CCDC149: variants seen among roughly 807,000 people sequenced by gnomAD.
The protein encoded by CCDC149 is coiled-coil domain containing 149.
CCDC149 carries 45 observed loss-of-function variants against 59.9 expected under a neutral mutation model. The observed-to-expected ratio is 0.75, with a 90% CI of 0.59 to 0.96. CCDC149 has a LOEUF of 0.96. CCDC149 is among the 40% of genes least tolerant of loss of function. CCDC149 has a pLI of 0.00. For synonymous variants in CCDC149, 245 were observed against 260.6 expected (o/e 0.94, Z 0.58); for missense variants, 584 against 664.7 (o/e 0.88, Z 1.33).
intron 1 of CCDC149, among the ~76,000 whole-genome samples, chr4:24,884,211 G>C (rs567402661): frequency 6.6e-6 from 1 of 152,112 alleles, no homozygotes; most frequent in South Asian, 2.1e-4. Flanking sequence ...AAGATTATGT[G>C]GCCATATTTT....
chr4:24,879,566 T>A (rs1177412726), intron 1 of CCDC149, among the ~76,000 whole-genome samples: 3 of 149,268 alleles, frequency 2.0e-5, no homozygotes, highest in African/African-American at 7.4e-5. Flanking sequence ...GCGCCTGTAA[T>A]CCCAGCTACT....
At chr4:24,821,637 G>A (rs1039859982) in intron 10 of CCDC149, among the ~76,000 whole-genome samples, 8 of 152,174 alleles carry the variant, frequency 5.3e-5, no homozygotes, top group Admixed American at 2.6e-4. Context: ...CCATTCCAGG[G>A]AAGCATCCAT....
intron 3 of CCDC149, among the ~76,000 whole-genome samples, chr4:24,864,759 A>T (rs1377381070): frequency 6.6e-6 from 1 of 152,226 alleles, no homozygotes; most frequent in Non-Finnish European, 1.5e-5. Context: ...TACTAAATAC[A>T]GTTGATCCTT....
intron 4 of CCDC149, among the ~76,000 whole-genome samples, chr4:24,852,680 C>G (rs540774812): frequency 6.6e-4 from 101 of 152,264 alleles, no homozygotes; most frequent in African/African-American, 2.3e-3. Context: ...AGTAGGATGA[C>G]TACTTAAAAT....
At chr4:24,811,901 C>T (rs1714633122) in intron 12 of CCDC149, among the ~76,000 whole-genome samples, 1 of 151,854 alleles carries the variant, frequency 6.6e-6, no homozygotes, top group African/African-American at 2.4e-5. Flanking sequence ...TTTCACTGGG[C>T]CAAAACCAGG....
intron 4 of CCDC149, 123 bp downstream of exon 4, chr4:24,852,949 A>C (rs886704750): frequency 2.9e-6 from 2 of 678,554 alleles, no homozygotes; most frequent in African/African-American, 3.6e-5. Flanking sequence ...TTTCATTATA[A>C]ATTTAAAAAT....
chr4:24,944,360 G>A (rs9683677), intron 1 of CCDC149, among the ~76,000 whole-genome samples: 29,054 of 151,306 alleles, frequency 0.19, 3,590 homozygotes, highest in African/African-American at 0.35. Flanking sequence ...GAGAACGCAT[G>A]GACACAGGAA....
intron 1 of CCDC149, among the ~76,000 whole-genome samples, chr4:24,880,080 C>T (rs933711253): frequency 1.3e-5 from 2 of 152,118 alleles, no homozygotes; most frequent in Non-Finnish European, 2.9e-5. Context: ...TGCCTCTAGC[C>T]AAAAATCTTA....
At chr4:24,976,953 G>A (rs972560509) in intron 1 of CCDC149, among the ~76,000 whole-genome samples, 3 of 152,162 alleles carry the variant, frequency 2.0e-5, no homozygotes, top group Admixed American at 1.3e-4. Context: ...ATCCAGGCTT[G>A]ATTAAAGGAT....
intron 1 of CCDC149, among the ~76,000 whole-genome samples, chr4:24,931,825 G>GTGTGTATATA (rs1722594835): frequency 1.4e-5 from 1 of 70,456 alleles, no homozygotes; most frequent in Non-Finnish European, 2.2e-5. Flanking sequence ...TGTATGGAGA[G>GTGTGTATATA]TATGTATATA....
At chr4:24,900,952 C>G (rs899908445) in intron 1 of CCDC149, among the ~76,000 whole-genome samples, 8 of 152,170 alleles carry the variant, frequency 5.3e-5, no homozygotes, top group Admixed American at 2.6e-4. Flanking sequence ...AAAGATAGGT[C>G]AAGGTCAGCA....
upstream of CCDC149, among the ~76,000 whole-genome samples, chr4:24,917,880 G>A (rs1472049958): frequency 6.6e-6 from 1 of 152,102 alleles, no homozygotes. Flanking sequence ...AACGCAGAGA[G>A]GCAGCAGGGC....
At chr4:24,880,437 T>A (rs3857117) in intron 1 of CCDC149, among the ~76,000 whole-genome samples, 1 of 152,090 alleles carries the variant, frequency 6.6e-6, no homozygotes, top group Non-Finnish European at 1.5e-5. Context: ...TGTATATGCA[T>A]GTCTCATCAA....
chr4:24,898,419 T>C (rs1441675904), intron 1 of CCDC149, among the ~76,000 whole-genome samples: 3 of 152,124 alleles, frequency 2.0e-5, no homozygotes, highest in Non-Finnish European at 4.4e-5. Context: ...CATTGCAACT[T>C]GAGCCGGGAA....
chr4:24,955,955 A>G (rs776210610), intron 1 of CCDC149, among the ~76,000 whole-genome samples: 4 of 152,212 alleles, frequency 2.6e-5, no homozygotes, highest in Non-Finnish European at 2.9e-5. Context: ...CTTTATTCAC[A>G]CCCTTCCTAC....
chr4:24,925,278 C>T (rs1247028516), intron 1 of CCDC149, among the ~76,000 whole-genome samples: 1 of 152,190 alleles, frequency 6.6e-6, no homozygotes, highest in African/African-American at 2.4e-5. Flanking sequence ...CTCAGTCATA[C>T]TCTTTGGGAG....
chr4:24,820,598 C>G (rs771367680), intron 11 of CCDC149, among the ~76,000 whole-genome samples: 14 of 152,090 alleles, frequency 9.2e-5, no homozygotes, highest in Non-Finnish European at 7.4e-5. Flanking sequence ...AATGGAGACA[C>G]AAAAAACAAT....
intron 1 of CCDC149, among the ~76,000 whole-genome samples, chr4:24,920,917 G>A (rs775167189): frequency 1.7e-4 from 26 of 152,128 alleles, no homozygotes; most frequent in Non-Finnish European, 2.8e-4. Flanking sequence ...AATTGTCACT[G>A]AGGAATGTAT....
At chr4:24,889,221 T>C (rs144587357) in intron 1 of CCDC149, among the ~76,000 whole-genome samples, 1 of 152,328 alleles carries the variant, frequency 6.6e-6, no homozygotes, top group Non-Finnish European at 1.5e-5. Context: ...AGTCTCTGCA[T>C]TCTCCACTAA....
Sources: gnomAD v4.1 joint callset for allele counts (sites outside exome capture counted in the v4.1 genomes callset) on GRCh38, gnomAD v4.1.1 for gene constraint, MANE v1.5 for transcripts, NCBI Gene and HGNC (gene_info 2026-07-23, HGNC 2026-07-21) for gene names.